Variants in LINGO2 observed in about 807,000 individuals in gnomAD.
LINGO2 encodes leucine rich repeat and Ig domain containing 2, also known as leucine-rich repeat and immunoglobulin-like domain-containing nogo receptor-interacting protein 2.
A neutral mutation model predicts 30.6 loss-of-function variants in LINGO2; 14 were observed. That is an observed-to-expected ratio of 0.46 (90% CI 0.30 to 0.72). The LOEUF is 0.72. Among genes scored for constraint, LINGO2 ranks in the 30% least tolerant of loss-of-function variants. The probability of loss-of-function intolerance (pLI) is 0.07; values close to 1 mark genes in which losing one functional copy is unlikely to be tolerated. For synonymous variants in LINGO2, 317 were observed against 288.5 expected, an observed-to-expected ratio of 1.10 and a Z score of -1.00; for missense variants, 729 against 751.7, an observed-to-expected ratio of 0.97 and a Z score of 0.35.
chr9:29,163,391 A>G, the LINGO2 span, among the ~76,000 whole-genome samples: 2,395 of 152,292 alleles, frequency 0.016, 22 homozygotes, highest in Non-Finnish European at 0.022. Flanking sequence ...CCAGTCTTAA[A>G]TAATTTTAGT....
Position 28,238,514 on chromosome 9 carries a change from C to T in LINGO2, c.-87+56694G>A, listed in dbSNP as rs572913596. On this transcript the variant is annotated intron_variant, in intron 4 of 5. Transcript: ENST00000379992. ...CAGAACTTTGGAAACTATATAAACACATGGAAATTAAACAATGTGCTCCTG... is the reference window on the plus strand; with the variant it reads ...CAGAACTTTGGAAACTATATAAACATATGGAAATTAAACAATGTGCTCCTG... Among the ~76,000 whole-genome samples, 3 of 152,164 alleles carry T rather than the reference C, an allele frequency of 2.0e-5. No homozygotes were observed. In the South Asian group the frequency reaches 6.2e-4, roughly 32 times the overall value.
At chr9:28,283,381 A>G (rs931575255) in intron 4 of LINGO2, among the ~76,000 whole-genome samples, 1 of 152,196 alleles carries the variant, frequency 6.6e-6, no homozygotes, top group African/African-American at 2.4e-5. Context: ...ACTAGTAGCA[A>G]TGGGGCTTCC....
chr9:28,079,205 A>AT (rs1276946646), intron 4 of LINGO2, among the ~76,000 whole-genome samples: 2 of 135,248 alleles, frequency 1.5e-5, no homozygotes, highest in African/African-American at 7.8e-5. Flanking sequence ...AATTTAATAT[A>AT]GATAACTGGA....
At chr9:28,779,584 T>G in the LINGO2 span, among the ~76,000 whole-genome samples, 1 of 152,152 alleles carries the variant, frequency 6.6e-6, no homozygotes, top group African/African-American at 2.4e-5. Flanking sequence ...CAGAGACCCC[T>G]TCATTGTGCT....
At chr9:28,126,266 A>G (rs972530319) in intron 4 of LINGO2, among the ~76,000 whole-genome samples, 12 of 152,204 alleles carry the variant, frequency 7.9e-5, no homozygotes, top group African/African-American at 2.9e-4. Context: ...GGCTACTACA[A>G]AAACATAAAA....
chr9:28,097,703 G>C (rs1341096785), intron 4 of LINGO2, among the ~76,000 whole-genome samples: 1 of 107,418 alleles, frequency 9.3e-6, no homozygotes, highest in East Asian at 3.5e-4. Context: ...GGGGAGGGGG[G>C]AGGGATAGCA....
chr9:29,202,620 C>T, the LINGO2 span, among the ~76,000 whole-genome samples: 2 of 152,000 alleles, frequency 1.3e-5, no homozygotes, highest in African/African-American at 4.8e-5. Context: ...TTATTACAGA[C>T]AAAACATATG....
chr9:29,170,870 T>C, the LINGO2 span, among the ~76,000 whole-genome samples: 13 of 152,290 alleles, frequency 8.5e-5, 1 homozygote, highest in African/African-American at 2.6e-4. Flanking sequence ...CTTTAGTGAA[T>C]TAAATTCAAA....
the LINGO2 span, among the ~76,000 whole-genome samples, chr9:28,783,366 T>C: frequency 3.3e-5 from 5 of 152,170 alleles, no homozygotes; most frequent in African/African-American, 1.2e-4. Context: ...ACAATATAAA[T>C]GCTGTGTAAA....
chr9:29,037,152 T>C, the LINGO2 span, among the ~76,000 whole-genome samples: 4 of 151,884 alleles, frequency 2.6e-5, no homozygotes, highest in East Asian at 1.9e-4. Context: ...TCCTTAAAAG[T>C]GTGGAACCTT....
the LINGO2 span, among the ~76,000 whole-genome samples, chr9:28,940,362 C>T: frequency 1.3e-5 from 2 of 152,124 alleles, no homozygotes; most frequent in Non-Finnish European, 2.9e-5. Flanking sequence ...TAAAGCTAAT[C>T]AGGGTGATCC....
chr9:28,627,006 GC>G (rs1826712906), intron 1 of LINGO2, among the ~76,000 whole-genome samples: 1 of 151,484 alleles, frequency 6.6e-6, no homozygotes, highest in Non-Finnish European at 1.5e-5. Flanking sequence ...ACATTTTCCT[GC>G]TTTTTTTATT....
At chr9:28,466,377 C>T (rs1825304030) in intron 2 of LINGO2, among the ~76,000 whole-genome samples, 1 of 152,088 alleles carries the variant, frequency 6.6e-6, no homozygotes, top group Admixed American at 6.5e-5. Context: ...GAAGGACAAA[C>T]TGATCATGTT....
At chr9:29,029,371 T>A in the LINGO2 span, among the ~76,000 whole-genome samples, 1 of 152,194 alleles carries the variant, frequency 6.6e-6, no homozygotes, top group African/African-American at 2.4e-5. Flanking sequence ...TAATAATTGA[T>A]GCTGGTGCAC....
chr9:28,344,177 A>G (rs1819475963), intron 3 of LINGO2, among the ~76,000 whole-genome samples: 1 of 152,158 alleles, frequency 6.6e-6, no homozygotes, highest in African/African-American at 2.4e-5. Context: ...GACCCTACAT[A>G]ATTATTCACA....
the LINGO2 span, among the ~76,000 whole-genome samples, chr9:29,212,379 A>G: frequency 6.6e-6 from 1 of 151,850 alleles, no homozygotes; most frequent in Middle Eastern, 3.2e-3. Flanking sequence ...CGAAGGGAAC[A>G]GCAGGCGACC....
chr9:28,416,613 T>A (rs1379305454), intron 2 of LINGO2, among the ~76,000 whole-genome samples: 3 of 152,102 alleles, frequency 2.0e-5, no homozygotes, highest in African/African-American at 7.2e-5. Context: ...CCCAGCACAC[T>A]CAGCTTCAAA....
the LINGO2 span, among the ~76,000 whole-genome samples, chr9:28,856,280 G>A: frequency 6.6e-6 from 1 of 151,704 alleles, no homozygotes; most frequent in Non-Finnish European, 1.5e-5. Flanking sequence ...AATACGTATC[G>A]AGCATCCTCT....
Position 28,518,361 on chromosome 9 carries a change from T to C in LINGO2, c.-364-42336A>G, listed in dbSNP as rs1038281459. On this transcript the variant is annotated intron_variant, in intron 1 of 5. Coordinates refer to ENST00000379992, the Ensembl canonical transcript of LINGO2. ...AGTTATAATATAGGTTAGTACTATG[T>C]TCTAAACACTCATGTGTCACCTCCA... Among the ~76,000 whole-genome samples, 3 of 152,194 alleles carry C rather than the reference T, an allele frequency of 2.0e-5. No individual in the cohort carries two copies. The South Asian group carries it at 6.2e-4, about 32-fold the overall frequency.
Sources: allele counts gnomAD v4.1 joint callset (sites outside exome capture counted in the v4.1 genomes callset), GRCh38; gene constraint gnomAD v4.1.1; transcripts MANE v1.5; gene names NCBI Gene and HGNC (gene_info 2026-07-23, HGNC 2026-07-21).